The following TCF12 variants were observed in gnomAD, a reference collection of about 807,000 sequenced individuals.
TCF12 encodes the protein DNA-binding protein HTF4.
In TCF12, 45 loss-of-function variants were observed where a neutral mutation model predicts 86.0. That is an observed-to-expected ratio of 0.52 (90% CI 0.41 to 0.67). The LOEUF (loss-of-function observed/expected upper bound fraction) is 0.67, where lower values mean the gene tolerates loss of function less well. TCF12 is among the 30% of genes least tolerant of loss of function. TCF12 has a pLI of 0.00. For synonymous variants in TCF12, 330 were observed against 299.6 expected, an observed-to-expected ratio of 1.10 and a Z score of -1.05; for missense variants, 881 against 859.9, an observed-to-expected ratio of 1.02 and a Z score of -0.31.
At chr15:57,199,271 G>T (rs1189991449) in intron 8 of TCF12, among the ~76,000 whole-genome samples, 1 of 152,076 alleles carries the variant, frequency 6.6e-6, no homozygotes, top group Non-Finnish European at 1.5e-5. Flanking sequence ...TGCAGGGGTA[G>T]GTGGTTCAAC....
chr15:57,013,119 T>A (rs1268172915), intron 3 of TCF12, among the ~76,000 whole-genome samples: 1 of 152,120 alleles, frequency 6.6e-6, no homozygotes, highest in South Asian at 2.1e-4. Context: ...CTTGAGATAA[T>A]CTGCCTCAGA....
At chr15:57,042,152 C>T (rs1165609614) in intron 3 of TCF12, among the ~76,000 whole-genome samples, 1 of 151,316 alleles carries the variant, frequency 6.6e-6, no homozygotes, top group Non-Finnish European at 1.5e-5. Flanking sequence ...GGAGTTTTGC[C>T]TTGTTGCCCA....
chr15:56,994,501 A>G (rs1408029489), intron 3 of TCF12, among the ~76,000 whole-genome samples: 1 of 152,136 alleles, frequency 6.6e-6, no homozygotes, highest in Non-Finnish European at 1.5e-5. Context: ...ATAAATCCAA[A>G]TAAATTTATG....
intron 3 of TCF12, among the ~76,000 whole-genome samples, chr15:56,966,327 A>G (rs1184738420): frequency 2.0e-5 from 3 of 152,230 alleles, no homozygotes; most frequent in Non-Finnish European, 4.4e-5. Context: ...TCAATGGCAG[A>G]AAACCTAGGT....
intron 3 of TCF12, among the ~76,000 whole-genome samples, chr15:56,932,333 A>G (rs2060282297): frequency 6.6e-6 from 1 of 152,182 alleles, no homozygotes; most frequent in Non-Finnish European, 1.5e-5. Flanking sequence ...GTGGTTTCTT[A>G]TTGCCCCTCA....
chr15:56,959,707 T>C (rs1595862024), intron 3 of TCF12, among the ~76,000 whole-genome samples: 1 of 152,336 alleles, frequency 6.6e-6, no homozygotes, highest in East Asian at 1.9e-4. Flanking sequence ...TTTAATCTAC[T>C]TACAGAGGAA....
chr15:57,108,393 A>G (rs189407083), intron 5 of TCF12, among the ~76,000 whole-genome samples: 14 of 152,304 alleles, frequency 9.2e-5, no homozygotes, highest in African/African-American at 3.4e-4. Flanking sequence ...TCTGTCCTCA[A>G]GTTTACTGGG....
intron 5 of TCF12, among the ~76,000 whole-genome samples, chr15:57,137,676 G>T (rs796739251): frequency 6.6e-6 from 1 of 151,920 alleles, no homozygotes; most frequent in African/African-American, 2.4e-5. Context: ...CAAATGTTTT[G>T]TTTATTTTTA....
chr15:57,120,383 A>G (rs2051142608), intron 5 of TCF12, among the ~76,000 whole-genome samples: 1 of 152,076 alleles, frequency 6.6e-6, no homozygotes, highest in African/African-American at 2.4e-5. Flanking sequence ...GTCTTGATTC[A>G]TTTCTTCCCT....
intron 5 of TCF12, among the ~76,000 whole-genome samples, chr15:57,156,934 A>G (rs1263383892): frequency 6.6e-6 from 1 of 152,222 alleles, no homozygotes; most frequent in Non-Finnish European, 1.5e-5. Flanking sequence ...GTGGAAACAG[A>G]GTCAGTGTGT....
chr15:57,234,371 T>C (rs901797697), intron 12 of TCF12, among the ~76,000 whole-genome samples: 7 of 152,228 alleles, frequency 4.6e-5, no homozygotes, highest in Non-Finnish European at 7.3e-5. Context: ...TCTAAATACA[T>C]AGTTAGTAAG....
chr15:57,231,645 G>A (rs958443448), intron 9 of TCF12, among the ~76,000 whole-genome samples: 1 of 152,112 alleles, frequency 6.6e-6, no homozygotes, highest in Admixed American at 6.5e-5. Context: ...ATAGAACAGA[G>A]TAAGACTTGT....
chr15:56,947,848 G>A (rs755037313), intron 3 of TCF12, among the ~76,000 whole-genome samples: 6 of 152,210 alleles, frequency 3.9e-5, no homozygotes, highest in East Asian at 1.9e-4. Context: ...TGCAATGTAA[G>A]TGATGCCCCT....
chr15:57,170,312 C>T (rs2055217988), intron 6 of TCF12, among the ~76,000 whole-genome samples: 2 of 151,048 alleles, frequency 1.3e-5, no homozygotes, highest in South Asian at 4.2e-4. Flanking sequence ...ACTCTGTCAC[C>T]CAGGCTGGAG....
At chr15:57,237,171 G>GTGTA (rs1446420545) in intron 12 of TCF12, among the ~76,000 whole-genome samples, 8 of 151,810 alleles carry the variant, frequency 5.3e-5, no homozygotes, top group East Asian at 1.9e-4. Flanking sequence ...GTGTGTGTGT[G>GTGTA]TATATGTATG....
At chr15:56,998,723 A>G (rs1342691264) in intron 3 of TCF12, among the ~76,000 whole-genome samples, 2 of 152,202 alleles carry the variant, frequency 1.3e-5, no homozygotes. Context: ...TTTACCCAAC[A>G]GCAGCAGAAT....
chr15:56,927,220 A>T (rs1374536512), intron 3 of TCF12, among the ~76,000 whole-genome samples: 1 of 152,108 alleles, frequency 6.6e-6, no homozygotes, highest in Admixed American at 6.5e-5. Context: ...GCTAATTTGG[A>T]GATGTATGAG....
At chr15:57,148,594 T>C (rs753572856) in intron 5 of TCF12, among the ~76,000 whole-genome samples, 1 of 148,812 alleles carries the variant, frequency 6.7e-6, no homozygotes, top group Non-Finnish European at 1.5e-5. Context: ...CAAAAAATGC[T>C]CAAATGGCCA....
rs559695813 is a variant in TCF12 at position 57,272,707 on chromosome 15, A to C, written c.1746-323A>C. On this transcript the variant is annotated intron_variant, in intron 18 of 20. Coordinates refer to ENST00000333725, the MANE Select transcript of TCF12 (RefSeq NM_207037.2). ...CTGATGCTGCTGATTTGTGGATCAC[A>C]TTTTGTGTAGCAAGGTGCTAAAATA... is the stretch of plus-strand genomic sequence containing the variant. 8.5e-5 allele frequency among the ~76,000 whole-genome samples: 13 copies of C among 152,344 alleles called. No homozygotes were observed. In the South Asian group the frequency reaches 2.3e-3, roughly 27 times the overall value.
Sources: allele counts gnomAD v4.1 joint callset (sites outside exome capture counted in the v4.1 genomes callset), GRCh38; gene constraint gnomAD v4.1.1; transcripts MANE v1.5; gene names NCBI Gene and HGNC (gene_info 2026-07-23, HGNC 2026-07-21).